Variants in SHC3 observed in about 807,000 individuals in gnomAD.
The protein encoded by SHC3 is SHC adaptor protein 3, also known as SHC-transforming protein 3.
A neutral mutation model predicts 60.4 loss-of-function variants in SHC3; 15 were observed. The observed-to-expected ratio is 0.25, with a 90% CI of 0.17 to 0.38. The LOEUF is 0.38. Ranked by LOEUF, SHC3 falls within the 10% of genes least tolerant of loss-of-function variation. The probability of loss-of-function intolerance (pLI) is 1.00; values close to 1 mark genes in which losing one functional copy is unlikely to be tolerated. For synonymous variants in SHC3, 294 were observed against 325.9 expected (o/e 0.90, Z 1.05); for missense variants, 677 against 786.1 (o/e 0.86, Z 1.66).
chr9:89,059,194 AGTGGTGGAGGACG>A (rs1825017638), intron 6 of SHC3, among the ~76,000 whole-genome samples: 2 of 121,702 alleles, frequency 1.6e-5, no homozygotes, highest in African/African-American at 3.2e-5. Context: ...GGTGGAGGAC[AGTGGTGGAGGACG>A]GTGGTGGAGG....
intron 11 of SHC3, among the ~76,000 whole-genome samples, chr9:89,032,397 C>G (rs1275562656): frequency 6.6e-6 from 1 of 152,188 alleles, no homozygotes; most frequent in Non-Finnish European, 1.5e-5. Flanking sequence ...AGGAAACCCA[C>G]CCACCAGCGG....
chr9:89,137,663 AG>A (rs1318157953), intron 1 of SHC3, among the ~76,000 whole-genome samples: 3 of 152,212 alleles, frequency 2.0e-5, no homozygotes, highest in Non-Finnish European at 4.4e-5. Flanking sequence ...AAAAACGTCT[AG>A]GGGTGGAGAC....
chr9:89,069,360 G>A (rs1450688233), intron 5 of SHC3, among the ~76,000 whole-genome samples: 1 of 152,008 alleles, frequency 6.6e-6, no homozygotes, highest in Non-Finnish European at 1.5e-5. Context: ...TCTCAATAAG[G>A]ACTTTCATCT....
intron 1 of SHC3, among the ~76,000 whole-genome samples, chr9:89,147,874 C>A (rs1010614362): frequency 6.6e-6 from 1 of 152,180 alleles, no homozygotes; most frequent in African/African-American, 2.4e-5. Flanking sequence ...ATCACCCAGA[C>A]ACCCAGCACA....
At chr9:89,040,222 C>CACCATCATCACCAT (rs1824661707) in intron 10 of SHC3, among the ~76,000 whole-genome samples, 3 of 144,602 alleles carry the variant, frequency 2.1e-5, no homozygotes, top group Non-Finnish European at 4.5e-5. Flanking sequence ...ATCATCATCA[C>CACCATCATCACCAT]CACCACCATC....
chr9:89,161,051 A>C (rs192656442), intron 1 of SHC3, among the ~76,000 whole-genome samples: 1 of 152,242 alleles, frequency 6.6e-6, no homozygotes, highest in African/African-American at 2.4e-5. Context: ...GTCGCATATG[A>C]AGTATTTAAC....
At chr9:89,105,173 G>A (rs1417706779) in intron 2 of SHC3, among the ~76,000 whole-genome samples, 1 of 152,086 alleles carries the variant, frequency 6.6e-6, no homozygotes, top group African/African-American at 2.4e-5. Context: ...TTGTAATGAT[G>A]CCCCTCTGTA....
At chr9:89,043,040 C>T (rs753009868) in intron 9 of SHC3, among the ~76,000 whole-genome samples, 7 of 152,190 alleles carry the variant, frequency 4.6e-5, no homozygotes, top group Admixed American at 2.6e-4. Flanking sequence ...AATCTTCTTA[C>T]GTAAACATGT....
chr9:89,108,952 G>C (rs1564150188), intron 2 of SHC3: 3 of 610,388 alleles, frequency 4.9e-6, no homozygotes, highest in Non-Finnish European at 6.2e-6. Context: ...CTGCATCTGG[G>C]AATACACATC....
At chr9:89,171,565 C>T (rs1266405977) in intron 1 of SHC3, among the ~76,000 whole-genome samples, 1 of 152,190 alleles carries the variant, frequency 6.6e-6, no homozygotes, top group Admixed American at 6.5e-5. Flanking sequence ...TCGGGGAAAC[C>T]ATGCATTTCA....
At chr9:89,116,345 A>G (rs958303534) in intron 1 of SHC3, among the ~76,000 whole-genome samples, 3 of 152,164 alleles carry the variant, frequency 2.0e-5, no homozygotes, top group Admixed American at 1.3e-4. Context: ...TGTGACCACC[A>G]TCATGGTGTT....
At chr9:89,031,975 T>G (rs567834366) in intron 11 of SHC3, among the ~76,000 whole-genome samples, 2 of 152,238 alleles carry the variant, frequency 1.3e-5, no homozygotes, top group African/African-American at 4.8e-5. Context: ...GCCCACGAGT[T>G]TCCTCCAGCC....
intron 2 of SHC3, among the ~76,000 whole-genome samples, chr9:89,108,531 G>C (rs1360276032): frequency 2.7e-5 from 4 of 150,374 alleles, no homozygotes; most frequent in Non-Finnish European, 4.4e-5. Context: ...CAAAAAAAAT[G>C]CATATACATA....
chr9:89,172,085 C>T (rs1358057487), intron 1 of SHC3, among the ~76,000 whole-genome samples: 5 of 152,236 alleles, frequency 3.3e-5, no homozygotes, highest in African/African-American at 9.6e-5. Context: ...TTCTCACCAA[C>T]TCTCCTCACA....
intron 1 of SHC3, among the ~76,000 whole-genome samples, chr9:89,119,027 G>A (rs909456664): frequency 2.6e-5 from 4 of 152,096 alleles, no homozygotes; most frequent in African/African-American, 9.7e-5. Context: ...AAACATGGAA[G>A]GTAAGGGAAC....
chr9:89,013,657 C>A, intron 11 of SHC3, 82 bp from the exon 12 acceptor site: 1 of 1,516,032 alleles, frequency 6.6e-7, no homozygotes, highest in South Asian at 1.3e-5. Flanking sequence ...TCAGCCAGAC[C>A]ATCTGAACTG....
At chr9:89,155,925 T>G (rs1826616447) in intron 1 of SHC3, among the ~76,000 whole-genome samples, 1 of 152,210 alleles carries the variant, frequency 6.6e-6, no homozygotes, top group South Asian at 2.1e-4. Context: ...TGGGACTGAT[T>G]CTTACTGTCA....
intron 11 of SHC3, among the ~76,000 whole-genome samples, chr9:89,029,531 T>C (rs1344487430): frequency 6.6e-6 from 1 of 152,046 alleles, no homozygotes; most frequent in South Asian, 2.1e-4. Flanking sequence ...AGAAAGGCAC[T>C]TAAGGAAGCA....
chr9:89,058,823 TGGA>T (rs1390272708), intron 6 of SHC3, among the ~76,000 whole-genome samples: 1 of 85,400 alleles, frequency 1.2e-5, no homozygotes, highest in Non-Finnish European at 2.3e-5. Context: ...GAAGACATGG[TGGA>T]GGACAGTGGT....
Sources: allele counts gnomAD v4.1 joint callset (sites outside exome capture counted in the v4.1 genomes callset), GRCh38; gene constraint gnomAD v4.1.1; transcripts MANE v1.5; gene names NCBI Gene and HGNC (gene_info 2026-07-23, HGNC 2026-07-21).